ZDHHC11B: variants seen among roughly 807,000 people sequenced by gnomAD.
The protein encoded by ZDHHC11B is zDHHC palmitoyltransferase 11B (putative), also known as probable palmitoyltransferase ZDHHC11B.
ZDHHC11B carries 17 observed loss-of-function variants against 42.3 expected under a neutral mutation model. That is an observed-to-expected ratio of 0.40 (90% CI 0.27 to 0.60). The LOEUF (loss-of-function observed/expected upper bound fraction) is 0.60, where lower values mean the gene tolerates loss of function less well. ZDHHC11B is among the 20% of genes least tolerant of loss of function. The pLI is 0.41. For missense variants in ZDHHC11B, 262 were observed against 463.2 expected (o/e 0.57, Z 3.99); for synonymous variants, 123 against 193.5 (o/e 0.64, Z 3.02).
intron 9 of ZDHHC11B, among the ~76,000 whole-genome samples, chr5:744,460 TA>T (rs1744515234): frequency 6.7e-6 from 1 of 149,108 alleles, no homozygotes; most frequent in African/African-American, 2.5e-5. Flanking sequence ...TGGGAGATTT[TA>T]AATTAGTAGT....
At chr5:745,680 G>A (rs1475635201) in intron 8 of ZDHHC11B, among the ~76,000 whole-genome samples, 2 of 150,114 alleles carry the variant, frequency 1.3e-5, no homozygotes, top group African/African-American at 2.4e-5. Context: ...TTGCTGGCAG[G>A]GGTAAGAGGC....
chr5:748,074 A>G, intron 8 of ZDHHC11B: 1 of 496,220 alleles, frequency 2.0e-6, no homozygotes, highest in Non-Finnish European at 3.5e-6. Context: ...GTTCTTGCCT[A>G]ATAGATTCCA....
chr5:758,139 G>A (rs1324653320), intron 4 of ZDHHC11B, among the ~76,000 whole-genome samples: 2 of 151,868 alleles, frequency 1.3e-5, no homozygotes, highest in East Asian at 3.9e-4. Flanking sequence ...CTATTTATGT[G>A]GTCACCGGGG....
rs796927192 is a variant in ZDHHC11B at position 754,174 on chromosome 5, G to A, written c.503+824C>T. On this transcript the variant is annotated intron_variant, in intron 6 of 13. Coordinates refer to ENST00000508859, the MANE Select transcript of ZDHHC11B (RefSeq NM_001351303.2). ...TCTATGAGCCTCCACCATGCTCAGG[G>A]GAAACATCTCTCGTCTATGAGCCTC... is the stretch of plus-strand genomic sequence containing the variant. Among the ~76,000 whole-genome samples the A allele has an allele frequency of 3.0e-3, 326 of 108,896 alleles. 11 individuals carry two copies. The highest frequency in any genetic ancestry group is 0.02 in the East Asian group (36 of 1,782). 71.4% of individuals were successfully genotyped at this position (108,896 alleles called of 152,430 possible).
At chr5:738,796 T>C in intron 10 of ZDHHC11B, among the ~76,000 whole-genome samples, 1 of 150,420 alleles carries the variant, frequency 6.6e-6, no homozygotes, top group East Asian at 2.0e-4. Context: ...CAGCTGAGGA[T>C]GGATAAAAGA....
At chr5:739,119 T>C (rs1743866279) in intron 10 of ZDHHC11B, among the ~76,000 whole-genome samples, 1 of 149,458 alleles carries the variant, frequency 6.7e-6, no homozygotes, top group Non-Finnish European at 1.5e-5. Flanking sequence ...AATCATCCAA[T>C]TGGGTGTGGT....
rs1388498333 is a variant in ZDHHC11B, at chr5:712,097, G to A, written c.*193C>T. ...GATGAAGATGATGACAGAGATGGAT[G>A]CTGGGCTCTGAGGGTCCTGGTTCCT... On this transcript the variant is annotated 3_prime_UTR_variant, in exon 14 of 14. Transcript: ENST00000508859. The A allele has an allele frequency of 1.0e-3, 118 of 115,640 alleles. No homozygotes were observed. The highest frequency in any genetic ancestry group is 3.7e-3 in the African/African-American group (109 of 29,098). 7.2% of individuals were successfully genotyped at this position (115,640 alleles called of 1,614,324 possible). A position where few individuals can be genotyped will look rare whatever the true frequency, so the allele number is the denominator to read the frequency against.
At position 774,404 on chromosome 5, in the gene ZDHHC11B, G is replaced by C. The variant is rs1346005710; in HGVS notation, c.-229-5474C>G. On this transcript the variant is annotated intron_variant, in intron 1 of 13. Transcript: ENST00000508859. ...TAGGACTGACCGGGCTCTGTCACTA[G>C]GAACAGGGGTCTCGCACTTGGGCCA... is the stretch of plus-strand genomic sequence containing the variant. 5.3e-5 allele frequency among the ~76,000 whole-genome samples: 8 copies of C among 152,258 alleles called. No individual in the cohort carries two copies. The East Asian group carries it at 1.4e-3, about 26-fold the overall frequency.
chr5:748,059 G>A lies in ZDHHC11B; in HGVS notation c.784+345C>T, dbSNP rs1745066438. The stretch of plus-strand genomic sequence containing the variant: ...AGTCCACCTGTCCTTATTTCATAAT[G>A]TCCTGTTCTTGCCTAATAGATTCCA... On this transcript the variant is annotated intron_variant, in intron 8 of 13. Coordinates refer to ENST00000508859, the MANE Select transcript of ZDHHC11B (RefSeq NM_001351303.2). 6.3e-6 allele frequency: 3 copies of A among 475,434 alleles called. 1 individual carries two copies. In the East Asian group the frequency reaches 1.4e-4, roughly 22 times the overall value. The allele number at this position is 475,434 out of a possible 1,614,324, so 29.5% of individuals were successfully genotyped here. A position where few individuals can be genotyped will look rare whatever the true frequency, so the allele number is the denominator to read the frequency against.
intron 13 of ZDHHC11B, 47 bp downstream of exon 13, chr5:716,754 C>G: frequency 6.2e-7 from 1 of 1,610,920 alleles, no homozygotes; most frequent in Non-Finnish European, 8.5e-7. Flanking sequence ...TCTAGAGAAC[C>G]AAACTTGGGT....
At chr5:783,297 G>C (rs1205177595) in intron 1 of ZDHHC11B, among the ~76,000 whole-genome samples, 1 of 152,274 alleles carries the variant, frequency 6.6e-6, no homozygotes, top group African/African-American at 2.4e-5. Flanking sequence ...GCTGACAGGC[G>C]CGAGAGCCCA....
At chr5:719,192 G>A (rs1301890296) in intron 12 of ZDHHC11B, among the ~76,000 whole-genome samples, 5 of 151,728 alleles carry the variant, frequency 3.3e-5, no homozygotes, top group Non-Finnish European at 7.4e-5. Flanking sequence ...AGTCCCAGAG[G>A]AGGAGAAGCA....
rs1489555447 is a variant in ZDHHC11B at position 752,736 on chromosome 5, T to C, written c.504-1479A>G. On this transcript the variant is annotated intron_variant, in intron 6 of 13. Transcript: ENST00000508859. ...CGGCTCCCTGACTGCTGCTCCCTCA[T>C]ACTGCCTTCCCTCTCACAGCTTAGG... Among the ~76,000 whole-genome samples the C allele has an allele frequency of 3.2e-4, 31 of 97,558 alleles. 8 individuals are homozygous for C. The highest frequency in any genetic ancestry group is 9.6e-4 in the South Asian group (2 of 2,084). 64.0% of individuals were successfully genotyped at this position (97,558 alleles called of 152,430 possible). A position where few individuals can be genotyped will look rare whatever the true frequency, so the allele number is the denominator to read the frequency against.
intron 11 of ZDHHC11B, among the ~76,000 whole-genome samples, chr5:730,700 A>T (rs432521): frequency 0.66 from 97,908 of 147,894 alleles, 30,224 homozygotes; most frequent in African/African-American, 0.88. Flanking sequence ...ACATCCTGAC[A>T]CCCAGTACCT....
At position 763,412 on chromosome 5, in the gene ZDHHC11B, C is replaced by T; in HGVS notation, c.222+3286G>A. Among the ~76,000 whole-genome samples the T allele has an allele frequency of 1.3e-5, 2 of 151,382 alleles. 1 individual carries two copies. The highest frequency in any genetic ancestry group is 2.9e-5 in the Non-Finnish European group (2 of 67,838). ...AGAAGAAGAAGAAGAAAAATACAAC[C>T]TATGAAAATAGAAACAAGAAAACAG... On this transcript the variant is annotated intron_variant, in intron 4 of 13. Coordinates refer to ENST00000508859, the MANE Select transcript of ZDHHC11B (RefSeq NM_001351303.2).
At position 757,563 on chromosome 5, in the gene ZDHHC11B, C is replaced by T. The variant is rs140221818; in HGVS notation, c.223-1419G>A. On this transcript the variant is annotated intron_variant, in intron 4 of 13. Transcript: ENST00000508859. Reference sequence around the variant, plus strand: ...AGCAGCCCTTCCCTGATGAGGGTCCCGTAAGAAGCGTGCTGCAATGCATGG... The same window carrying T: ...AGCAGCCCTTCCCTGATGAGGGTCCTGTAAGAAGCGTGCTGCAATGCATGG... Among the ~76,000 whole-genome samples the T allele has an allele frequency of 2.1e-4, 32 of 151,924 alleles. No individual in the cohort carries two copies. The East Asian group carries it at 3.5e-3, about 17-fold the overall frequency.
rs2335617 is a variant in ZDHHC11B, at chr5:749,483, G to A, written c.629-924C>T. ...TGGGGGCCTTCCTAGATGGCCCGAC[G>A]GGACAGTAGCTCAAAGTGCCTGGGC... On this transcript the variant is annotated intron_variant, in intron 7 of 13. Transcript: ENST00000508859. Among the ~76,000 whole-genome samples the A allele has an allele frequency of 1.1e-3, 141 of 130,032 alleles. 5 individuals are homozygous for A. Among genetic ancestry groups the A allele is most frequent in the African/African-American group, 3.1e-3 (123 of 39,878 alleles). The allele number at this position is 130,032 out of a possible 152,430, so 85.3% of individuals were successfully genotyped here.
At chr5:761,104 A>C (rs1375788055) in intron 4 of ZDHHC11B, among the ~76,000 whole-genome samples, 6 of 151,880 alleles carry the variant, frequency 4.0e-5, no homozygotes, top group Non-Finnish European at 7.4e-5. Flanking sequence ...CTGGATTAAA[A>C]AATCCTGTCA....
intron 1 of ZDHHC11B, among the ~76,000 whole-genome samples, chr5:777,294 C>T (rs1736592137): frequency 6.6e-6 from 1 of 151,782 alleles, no homozygotes; most frequent in African/African-American, 2.4e-5. Context: ...TTCCTAGTCT[C>T]GCCGGCTTCA....
Sources: allele counts gnomAD v4.1 joint callset (sites outside exome capture counted in the v4.1 genomes callset), GRCh38; gene constraint gnomAD v4.1.1; transcripts MANE v1.5; gene names NCBI Gene and HGNC (gene_info 2026-07-23, HGNC 2026-07-21).